Variants in XKR4 observed in about 807,000 individuals in gnomAD.
XKR4 encodes XK-related protein 4.
In XKR4, 12 loss-of-function variants were observed where a neutral mutation model predicts 53.9. The observed-to-expected ratio is 0.22, with a 90% CI of 0.14 to 0.36. XKR4 has a LOEUF of 0.36. Among genes scored for constraint, XKR4 ranks in the 10% least tolerant of loss-of-function variants. The pLI, the probability that XKR4 is intolerant of heterozygous loss-of-function variation, is 1.00. For missense variants in XKR4, 799 were observed against 859.5 expected (o/e 0.93, Z 0.88); for synonymous variants, 354 against 362.4 (o/e 0.98, Z 0.26).
At chr8:55,418,416 T>C (rs1804880599) in intron 2 of XKR4, among the ~76,000 whole-genome samples, 1 of 152,204 alleles carries the variant, frequency 6.6e-6, no homozygotes, top group African/African-American at 2.4e-5. Context: ...TCTCTGTATG[T>C]TTTACATGCA....
At chr8:55,270,575 A>G (rs902223413) in intron 1 of XKR4, among the ~76,000 whole-genome samples, 4 of 152,232 alleles carry the variant, frequency 2.6e-5, no homozygotes, top group African/African-American at 7.2e-5. Context: ...GGGGTGTAAC[A>G]TAGTGTTTAG....
At chr8:55,346,751 C>G (rs1359606665) in intron 1 of XKR4, among the ~76,000 whole-genome samples, 1 of 146,294 alleles carries the variant, frequency 6.8e-6, no homozygotes. Flanking sequence ...AGCCAGGCAA[C>G]AGAAGAAAAT....
intron 1 of XKR4, chr8:55,142,259 GAGA>G: frequency 4.5e-6 from 2 of 449,166 alleles, no homozygotes; most frequent in Non-Finnish European, 9.0e-6. Context: ...CTCCTCGTAG[GAGA>G]AGTTGCCATT....
chr8:55,260,134 A>T (rs777292988), intron 1 of XKR4, among the ~76,000 whole-genome samples: 1 of 152,212 alleles, frequency 6.6e-6, no homozygotes, highest in Non-Finnish European at 1.5e-5. Context: ...TACCAGGCAC[A>T]GTGGGCGCTT....
chr8:55,508,706 G>T (rs1806580573), intron 2 of XKR4, among the ~76,000 whole-genome samples: 1 of 152,328 alleles, frequency 6.6e-6, no homozygotes, highest in East Asian at 1.9e-4. Flanking sequence ...ATTCCCAGGG[G>T]CTAGTCTGGG....
chr8:55,390,831 TGA>T (rs1185528757), intron 2 of XKR4, among the ~76,000 whole-genome samples: 2 of 152,196 alleles, frequency 1.3e-5, no homozygotes, highest in Non-Finnish European at 2.9e-5. Flanking sequence ...TTTACTTACC[TGA>T]GAGAGACCCA....
Position 55,204,283 on chromosome 8 carries a change from A to C in XKR4, c.806+100989A>C, listed in dbSNP as rs145954420. ...AGCCTCCTAAAATAAATCCAAAGTT[A>C]TTGACCAACAAATCACAACGACAAG... On this transcript the variant is annotated intron_variant, in intron 1 of 2. Coordinates refer to ENST00000327381, the MANE Select transcript of XKR4 (RefSeq NM_052898.2). Among the ~76,000 whole-genome samples, 1,051 of 152,308 alleles carry C rather than the reference A, an allele frequency of 6.9e-3. 11 individuals are homozygous for C. Among genetic ancestry groups the C allele is most frequent in the Non-Finnish European group, 0.012 (799 of 68,026 alleles).
chr8:55,325,163 G>A (rs1448327357), intron 1 of XKR4, among the ~76,000 whole-genome samples: 2 of 151,978 alleles, frequency 1.3e-5, no homozygotes, highest in Non-Finnish European at 2.9e-5. Flanking sequence ...CTAGTTAAAG[G>A]GTAAAATATG....
chr8:55,157,819 C>T (rs1259801754), intron 1 of XKR4, among the ~76,000 whole-genome samples: 1 of 152,214 alleles, frequency 6.6e-6, no homozygotes, highest in African/African-American at 2.4e-5. Context: ...ATAATGGCCT[C>T]TAGCCCCATC....
At chr8:55,363,042 C>T (rs1002552539) in intron 2 of XKR4, among the ~76,000 whole-genome samples, 2 of 152,240 alleles carry the variant, frequency 1.3e-5, no homozygotes, top group Non-Finnish European at 2.9e-5. Context: ...GTAAAACAAA[C>T]AAACAAATAT....
Position 55,344,577 on chromosome 8 carries a change from C to T in XKR4, c.807-13101C>T, listed in dbSNP as rs375584526. Reference sequence around the variant, plus strand: ...CCACTGCTCTATTTACTTCAAGCCACTCTTCTCCATTTGAATACACATTTT... The same window carrying T: ...CCACTGCTCTATTTACTTCAAGCCATTCTTCTCCATTTGAATACACATTTT... On this transcript the variant is annotated intron_variant, in intron 1 of 2. Transcript: ENST00000327381. Among the ~76,000 whole-genome samples, 57 of 152,276 alleles carry T rather than the reference C, an allele frequency of 3.7e-4. 1 individual carries two copies. The South Asian group carries it at 0.012, about 31-fold the overall frequency.
rs374763213 is a variant in XKR4 at position 55,284,084 on chromosome 8, A to C, written c.807-73594A>C. On this transcript the variant is annotated intron_variant, in intron 1 of 2. Coordinates refer to ENST00000327381, the MANE Select transcript of XKR4 (RefSeq NM_052898.2). ...TGGTACTATGCCTAGAAACCTATTTATCATTTGTTTTTCTAATAATAAAGA... is the reference window on the plus strand; with the variant it reads ...TGGTACTATGCCTAGAAACCTATTTCTCATTTGTTTTTCTAATAATAAAGA... Among the ~76,000 whole-genome samples, 4 of 152,252 alleles carry C rather than the reference A, an allele frequency of 2.6e-5. No individual in the cohort carries two copies. In the South Asian group the frequency reaches 8.3e-4, roughly 32 times the overall value.
At chr8:55,171,969 C>A (rs541325782) in intron 1 of XKR4, among the ~76,000 whole-genome samples, 1 of 152,206 alleles carries the variant, frequency 6.6e-6, no homozygotes, top group East Asian at 1.9e-4. Context: ...CATTAAAATT[C>A]TTCCCTGGCC....
chr8:55,198,317 A>G (rs1418993841), intron 1 of XKR4, among the ~76,000 whole-genome samples: 1 of 152,214 alleles, frequency 6.6e-6, no homozygotes. Flanking sequence ...CGCCAAATCT[A>G]AAACATACCT....
intron 2 of XKR4, among the ~76,000 whole-genome samples, chr8:55,370,009 A>G (rs75002153): frequency 0.044 from 6,697 of 152,190 alleles, 465 homozygotes; most frequent in African/African-American, 0.15. Flanking sequence ...ACAGTGAGCT[A>G]TGATTGTACC....
intron 1 of XKR4, among the ~76,000 whole-genome samples, chr8:55,150,519 C>T (rs953535211): frequency 6.6e-6 from 1 of 152,232 alleles, no homozygotes; most frequent in African/African-American, 2.4e-5. Flanking sequence ...GTGCATGACC[C>T]TTCATAACTC....
At chr8:55,352,225 G>A (rs553940375) in intron 1 of XKR4, among the ~76,000 whole-genome samples, 19 of 152,352 alleles carry the variant, frequency 1.2e-4, no homozygotes, top group African/African-American at 3.4e-4. Flanking sequence ...GAATTCTTGA[G>A]TATTATAAAA....
intron 1 of XKR4, among the ~76,000 whole-genome samples, chr8:55,159,198 C>T (rs527845471): frequency 6.6e-6 from 1 of 152,256 alleles, no homozygotes; most frequent in African/African-American, 2.4e-5. Flanking sequence ...AGAGATATTT[C>T]ACCACCCTGG....
At chr8:55,256,398 TTC>T (rs1405272592) in intron 1 of XKR4, among the ~76,000 whole-genome samples, 1 of 152,168 alleles carries the variant, frequency 6.6e-6, no homozygotes, top group African/African-American at 2.4e-5. Context: ...TGAGACTGGG[TTC>T]TGGGAAACTA....
Sources: gnomAD v4.1 joint callset for allele counts (sites outside exome capture counted in the v4.1 genomes callset) on GRCh38, gnomAD v4.1.1 for gene constraint, MANE v1.5 for transcripts, NCBI Gene and HGNC (gene_info 2026-07-23, HGNC 2026-07-21) for gene names.